ACAP3: variants seen among roughly 807,000 people sequenced by gnomAD.
The protein encoded by ACAP3 is ArfGAP with coiled-coil, ankyrin repeat and PH domains 3.
In ACAP3, 56 loss-of-function variants were observed where a neutral mutation model predicts 104.1. The ratio of observed to expected loss-of-function variants is 0.54; its 90% CI spans 0.43 to 0.67. ACAP3 has a LOEUF of 0.67. ACAP3 is among the 30% of genes least tolerant of loss of function. The pLI, the probability that ACAP3 is intolerant of heterozygous loss-of-function variation, is 0.00. For synonymous variants in ACAP3, 628 were observed against 496.2 expected (o/e 1.27, Z -3.53); for missense variants, 1,208 against 1,174.9 (o/e 1.03, Z -0.41).
At chr1:1,295,677 G>A (rs1033872925) in intron 18 of ACAP3, 59 bp downstream of exon 18, 46 of 1,556,058 alleles carry the variant, frequency 3.0e-5, no homozygotes, top group African/African-American at 9.5e-5. Context: ...GCCCCTTGAC[G>A]GAGTCCATCC....
chr1:1,306,595 T>C (rs1225129566), intron 1 of ACAP3, among the ~76,000 whole-genome samples: 4 of 152,098 alleles, frequency 2.6e-5, no homozygotes, highest in Non-Finnish European at 4.4e-5. Context: ...GCTCCAGGGA[T>C]ACAGAGGCTC....
chr1:1,298,911 C>A, intron 10 of ACAP3: 1 of 569,494 alleles, frequency 1.8e-6, no homozygotes, highest in Non-Finnish European at 3.1e-6. Flanking sequence ...GCTGGGGGCC[C>A]GAGAGTGCCG....
At chr1:1,299,533 C>T (rs1037369991) in intron 9 of ACAP3, 177 bp from the exon 10 acceptor site, 6 of 845,222 alleles carry the variant, frequency 7.1e-6, no homozygotes, top group South Asian at 1.9e-5. Context: ...AACCTCTGCC[C>T]GGGATGGTGG....
chr1:1,307,213 A>C (rs985344777), intron 1 of ACAP3: 2 of 1,286,810 alleles, frequency 1.6e-6, no homozygotes, highest in African/African-American at 3.0e-5. Flanking sequence ...ATGATGGAAA[A>C]CATGCAGACT....
At chr1:1,299,075 C>T (rs932266910) in intron 10 of ACAP3, 2 of 574,480 alleles carry the variant, frequency 3.5e-6, no homozygotes, top group South Asian at 4.2e-5. Flanking sequence ...CCTGTGTGTC[C>T]CGCCATCTGG....
chr1:1,301,745 C>T (rs1641455289), intron 5 of ACAP3: 2 of 378,834 alleles, frequency 5.3e-6, no homozygotes, highest in Non-Finnish European at 9.5e-6. Context: ...ACTCCAGACC[C>T]CCAAACCCAA....
chr1:1,294,515 C>T lies in ACAP3; in HGVS notation c.2026G>A (p.Ala676Thr), dbSNP rs1352901404. 4 of 1,506,396 alleles carry T rather than the reference C, an allele frequency of 2.7e-6. No homozygotes were observed. Among genetic ancestry groups the T allele is most frequent in the Non-Finnish European group, 3.5e-6 (4 of 1,137,066 alleles). The allele number at this position is 1,506,396 out of a possible 1,614,324, so 93.3% of individuals were successfully genotyped here. A position where few individuals can be genotyped will look rare whatever the true frequency, so the allele number is the denominator to read the frequency against. The change falls in exon 21 of 24, where the codon GCG (alanine) becomes ACG (threonine). Residue 676 changes from alanine (A) to threonine (T), a missense_variant. Physicochemically the swap from Ala to Thr is moderately conservative, Grantham distance 58. Transcript: ENST00000354700. ...LHPGLLAHRA[A>T]RARDLPALAA... Reference sequence around the variant, plus strand: ...AGCGCAGGAAGGTCGCGGGCACGCGCTGCGCGGTGCGCCAAGAGCCCCGGG... The same window carrying T: ...AGCGCAGGAAGGTCGCGGGCACGCGTTGCGCGGTGCGCCAAGAGCCCCGGG...
At chr1:1,299,273 A>C (rs1365017006) in intron 10 of ACAP3, 72 bp downstream of exon 10, 2 of 1,546,312 alleles carry the variant, frequency 1.3e-6, no homozygotes, top group Non-Finnish European at 1.8e-6. Flanking sequence ...CCCTTGGGGT[A>C]GAGGAGGGAA....
rs561182676 is a variant in ACAP3, at chr1:1,303,998, G to T, written c.105+88C>A. The T allele has an allele frequency of 2.7e-6, 4 of 1,489,734 alleles. No homozygotes were observed. Among genetic ancestry groups the T allele is most frequent in the Non-Finnish European group, 3.6e-6 (4 of 1,097,442 alleles). 92.3% of individuals were successfully genotyped at this position (1,489,734 alleles called of 1,614,324 possible). Reference sequence around the variant, plus strand: ...CATGCTCCACATATGGGGGGTGTAAGTGGCTTAGTAAGGCCTGGAGGGCGA... The same window carrying T: ...CATGCTCCACATATGGGGGGTGTAATTGGCTTAGTAAGGCCTGGAGGGCGA... On this transcript the variant is annotated intron_variant, in intron 2 of 23. Coordinates refer to ENST00000354700, the MANE Select transcript of ACAP3 (RefSeq NM_030649.3). This position sits in a 1 kb window ranked among gnomAD's most constrained non-coding sequence, Gnocchi z 4.0.
chr1:1,304,439 C>T lies in ACAP3; in HGVS notation c.48-296G>A, dbSNP rs992102496. On this transcript the variant is annotated intron_variant, in intron 1 of 23. Transcript: ENST00000354700. ...CTGGGAGTCCCTCAGGGACAGTGCC[C>T]ACCAAGGGCTGAGCCAGCCTCACCC... The T allele has an allele frequency of 7.5e-6, 4 of 534,284 alleles. No homozygotes were observed. The African/African-American group carries it at 7.6e-5, about 10-fold the overall frequency. The allele number at this position is 534,284 out of a possible 1,614,324, so 33.1% of individuals were successfully genotyped here.
chr1:1,296,817 G>C (rs372790576), intron 14 of ACAP3, among the ~76,000 whole-genome samples, 184 bp from the exon 15 acceptor site: 1 of 123,036 alleles, frequency 8.1e-6, no homozygotes, highest in Non-Finnish European at 1.6e-5. Flanking sequence ...GCACACGCCC[G>C]CACACGCACA....
chr1:1,307,348 A>G, intron 1 of ACAP3: 2 of 1,289,782 alleles, frequency 1.6e-6, no homozygotes, highest in Non-Finnish European at 2.0e-6. Context: ...CCAGGCCTTA[A>G]ACGCGGCTCC....
At position 1,306,280 on chromosome 1, in the gene ACAP3, G is replaced by A. The variant is rs1641689847; in HGVS notation, c.47+1489C>T. ...AGCACCCCCACACGACTGGAAGAGG[G>A]CAGTACAGGGCCGTCTGCGTGGAGG... On this transcript the variant is annotated intron_variant, in intron 1 of 23. Transcript: ENST00000354700. Among the ~76,000 whole-genome samples, 4 of 152,134 alleles carry A rather than the reference G, an allele frequency of 2.6e-5. No homozygotes were observed. The South Asian group carries it at 6.2e-4, about 24-fold the overall frequency.
At chr1:1,302,162 C>A in intron 4 of ACAP3, 116 bp from the exon 5 acceptor site, 2 of 958,950 alleles carry the variant, frequency 2.1e-6, no homozygotes, top group Non-Finnish European at 2.9e-6. Context: ...AGGGGCGGGT[C>A]CCACCCTGCA....
At position 1,297,895 on chromosome 1, in the gene ACAP3, T is replaced by A. The variant is rs748615452; in HGVS notation, c.1055A>T (p.Gln352Leu). ...MLQADSEKLR[Q>L]AWVQAVQASI... ...GGCCTGCACAGCCTGGACCCAGGCT[T>A]GCCGCAGCTTCTCGGAGTCAGCCTG... The change falls in exon 14 of 24, where the codon CAA becomes CTA. Residue 352 changes from glutamine (Q) to leucine (L), a missense_variant. Gln to Leu is a moderately radical substitution (Grantham distance 113). Coordinates refer to ENST00000354700, the MANE Select transcript of ACAP3 (RefSeq NM_030649.3). 4 of 1,611,826 alleles carry A rather than the reference T, an allele frequency of 2.5e-6. No homozygotes were observed. The African/African-American group carries it at 4.0e-5, about 16-fold the overall frequency.
At chr1:1,294,292 G>A in intron 21 of ACAP3, 93 bp from the exon 22 acceptor site, 1 of 1,514,502 alleles carries the variant, frequency 6.6e-7, no homozygotes, top group Non-Finnish European at 8.9e-7. Flanking sequence ...CCCCAGCCGG[G>A]ACCGAACGTG....
Position 1,307,779 on chromosome 1 carries a change from G to C in ACAP3, c.37C>G (p.Pro13Ala), listed in dbSNP as rs1641811072. The change falls in exon 1 of 24, where the codon CCG (proline) becomes GCG (alanine). Residue 13 changes from proline (P) to alanine (A), a missense_variant. Coordinates refer to ENST00000354700, the MANE Select transcript of ACAP3 (RefSeq NM_030649.3). Reference protein sequence around the residue: ...VEFEECVKDSPRFRATIDEVE... With the variant: ...VEFEECVKDSARFRATIDEVE... Reference sequence around the variant, plus strand: ...CCCCGGGCGGCGCACCTGAAGCGCGGGGAGTCCTTGACGCACTCCTCGAAC... The same window carrying C: ...CCCCGGGCGGCGCACCTGAAGCGCGCGGAGTCCTTGACGCACTCCTCGAAC... 9.1e-7 allele frequency: 1 copy of C among 1,094,430 alleles called. No individual in the cohort carries two copies. Among genetic ancestry groups the C allele is most frequent in the African/African-American group, 1.7e-5 (1 of 59,354 alleles). 67.8% of individuals were successfully genotyped at this position (1,094,430 alleles called of 1,614,324 possible). A position where few individuals can be genotyped will look rare whatever the true frequency, so the allele number is the denominator to read the frequency against.
rs144855997 is a variant in ACAP3 at position 1,297,864 on chromosome 1, G to A, written c.1086C>T (p.Ile362=). Residue 362 remains isoleucine (I), a synonymous_variant, in exon 14 of 24, where the codon ATC becomes ATT. Transcript: ENST00000354700. ...QAWVQAVQAS[I]ASAYRESPDS... is the part of the protein sequence containing the mutation. ...CAGGGCTCTCGCGGTAGGCGGAGGC[G>A]ATGCTGGCCTGCACAGCCTGGACCC... 1.4e-4 allele frequency: 220 copies of A among 1,611,928 alleles called. 1 individual carries two copies. Among genetic ancestry groups the A allele is most frequent in the East Asian group, 2.5e-4 (11 of 44,854 alleles).
chr1:1,301,961 CT>C (rs1440113421), intron 5 of ACAP3, 26 bp downstream of exon 5: 1 of 1,536,574 alleles, frequency 6.5e-7, no homozygotes, highest in East Asian at 2.4e-5. Context: ...CCTCAGTGTT[CT>C]TCCCCCAGCC....
Sources: allele counts gnomAD v4.1 joint callset (sites outside exome capture counted in the v4.1 genomes callset), GRCh38; gene constraint gnomAD v4.1.1; non-coding constraint Gnocchi (gnomAD v3.1); transcripts MANE v1.5; gene names NCBI Gene and HGNC (gene_info 2026-07-23, HGNC 2026-07-21).